MTSS1: variants seen among roughly 807,000 people sequenced by gnomAD.
The protein encoded by MTSS1 is MTSS I-BAR domain containing 1.
Under a neutral mutation model 79.0 loss-of-function variants are expected in MTSS1, and 18 were observed. The ratio of observed to expected loss-of-function variants is 0.23; its 90% confidence interval spans 0.16 to 0.34. MTSS1 has a LOEUF of 0.34. MTSS1 is among the 10% of genes least tolerant of loss of function. The probability of loss-of-function intolerance (pLI) is 1.00; values close to 1 mark genes in which losing one functional copy is unlikely to be tolerated. For missense variants in MTSS1, 815 were observed against 986.2 expected (o/e 0.83, Z 2.33); for synonymous variants, 341 against 368.6 (o/e 0.93, Z 0.86).
At chr8:124,635,370 T>C (rs1587469119) in intron 3 of MTSS1, among the ~76,000 whole-genome samples, 1 of 152,240 alleles carries the variant, frequency 6.6e-6, no homozygotes, top group East Asian at 1.9e-4. Flanking sequence ...ATCCTTCAGG[T>C]AGCAGGTGCA....
chr8:124,727,875 G>C lies in MTSS1; in HGVS notation c.72+9C>G. ...GGCCGGCGCCGCAGCCGCACCCCCG[G>C]CGTCCTACCTTCATGTCGCTGATGA... On this transcript the variant is annotated intron_variant, in intron 1 of 13. Coordinates refer to ENST00000518547, the MANE Select transcript of MTSS1 (RefSeq NM_014751.6). The surrounding 1 kb of genome is among the most constrained non-coding windows in gnomAD (Gnocchi z 4.7). 1 of 1,586,156 alleles carries C rather than the reference G, an allele frequency of 6.3e-7. No individual in the cohort carries two copies. The highest frequency in any genetic ancestry group is 8.5e-7 in the Non-Finnish European group (1 of 1,170,042).
Position 124,622,060 on chromosome 8 carries a change from A to AAGAGAGAAAG in MTSS1, c.209-30826_209-30825insCTTTCTCTCT, listed in dbSNP as rs1381991059. Among the ~76,000 whole-genome samples the AAGAGAGAAAG allele has an allele frequency of 6.4e-5, 7 of 110,120 alleles. No homozygotes were observed. In the East Asian group the frequency reaches 1.9e-3, roughly 29 times the overall value. 72.2% of individuals were successfully genotyped at this position (110,120 alleles called of 152,430 possible). A position where few individuals can be genotyped will look rare whatever the true frequency, so the allele number is the denominator to read the frequency against. ...GGAAAGTGTGAGAGACAGAAAGAGA[A>AAGAGAGAAAG]AGAGAGAGAGAGAGAGAGAGAGAGA... On this transcript the variant is annotated intron_variant, in intron 3 of 13. Coordinates refer to ENST00000518547, the MANE Select transcript of MTSS1 (RefSeq NM_014751.6).
intron 5 of MTSS1, among the ~76,000 whole-genome samples, chr8:124,588,649 C>T (rs1831287967): frequency 6.6e-6 from 1 of 152,224 alleles, no homozygotes; most frequent in Non-Finnish European, 1.5e-5. Flanking sequence ...GTCTGGCTTT[C>T]AAAATGTGCT....
chr8:124,705,766 C>T (rs1418233955), intron 1 of MTSS1, among the ~76,000 whole-genome samples: 2 of 152,220 alleles, frequency 1.3e-5, no homozygotes, highest in Non-Finnish European at 1.5e-5. Context: ...ACCCTTAGAG[C>T]AGGTTCTCAG....
At chr8:124,567,013 G>T (rs1382803415) in intron 8 of MTSS1, 58 bp downstream of exon 8, 1 of 1,325,982 alleles carries the variant, frequency 7.5e-7, no homozygotes, top group Non-Finnish European at 1.1e-6. Flanking sequence ...AACACTCAGG[G>T]CCTTGAGCTT....
In MTSS1 at chr8:124,568,580, C is replaced by T. The variant is rs748238170; in HGVS notation, c.461-44G>A. The T allele has an allele frequency of 6.2e-6, 10 of 1,613,434 alleles. No individual in the cohort carries two copies. In the African/African-American group the frequency reaches 1.3e-4, roughly 22 times the overall value. ...CAAGCACGGCTTGCTGAAATACCAG[C>T]TTCTGGAACAAGTGCCCCTCCTCCC... is the stretch of plus-strand genomic sequence containing the variant. On this transcript the variant is annotated intron_variant, in intron 6 of 13. Coordinates refer to ENST00000518547, the MANE Select transcript of MTSS1 (RefSeq NM_014751.6).
intron 12 of MTSS1, 46 bp from the exon 13 acceptor site, chr8:124,555,950 GC>G (rs746235066): frequency 6.5e-7 from 1 of 1,531,268 alleles, no homozygotes; most frequent in African/African-American, 1.4e-5. Context: ...TAGGGGGGGG[GC>G]TCAACAGCAC....
intron 3 of MTSS1, among the ~76,000 whole-genome samples, chr8:124,673,851 G>C (rs1300606491): frequency 6.6e-6 from 1 of 152,180 alleles, no homozygotes; most frequent in Non-Finnish European, 1.5e-5. Flanking sequence ...CTGAAAAATG[G>C]CACAAGGTGA....
intron 3 of MTSS1, among the ~76,000 whole-genome samples, chr8:124,631,624 C>T (rs1815972087): frequency 1.3e-5 from 2 of 152,226 alleles, no homozygotes; most frequent in South Asian, 4.1e-4. Flanking sequence ...CTCTGATCCC[C>T]TCCATAGTCC....
intron 3 of MTSS1, among the ~76,000 whole-genome samples, chr8:124,669,149 C>A (rs1005656397): frequency 1.3e-5 from 2 of 152,208 alleles, no homozygotes; most frequent in Non-Finnish European, 2.9e-5. Context: ...AAAATACAAT[C>A]CTCAGAAAAG....
intron 3 of MTSS1, among the ~76,000 whole-genome samples, chr8:124,663,453 C>A (rs904819925): frequency 3.3e-5 from 5 of 152,112 alleles, no homozygotes; most frequent in African/African-American, 1.2e-4. Context: ...GCCTCTGAGG[C>A]CAGTTAGGAA....
At chr8:124,658,143 A>AC (rs1267377750) in intron 3 of MTSS1, among the ~76,000 whole-genome samples, 1 of 152,148 alleles carries the variant, frequency 6.6e-6, no homozygotes, top group African/African-American at 2.4e-5. Flanking sequence ...AATACTTGAG[A>AC]CTGGGTGATA....
intron 6 of MTSS1, among the ~76,000 whole-genome samples, chr8:124,570,315 T>C (rs1827476983): frequency 6.6e-6 from 1 of 152,156 alleles, no homozygotes; most frequent in African/African-American, 2.4e-5. Flanking sequence ...AATGTGTAGA[T>C]AGTATGTATC....
rs371856957 is a variant in MTSS1 at position 124,582,424 on chromosome 8, A to G, written c.460+2663T>C. ...AAATCACATCCGTGTGTGTCTGCCC[A>G]CGTCAAGGATGGTGGTAAAACCATG... On this transcript the variant is annotated intron_variant, in intron 6 of 13. Transcript: ENST00000518547. This position sits in a 1 kb window ranked among gnomAD's most constrained non-coding sequence, Gnocchi z 4.8. 1.3e-5 allele frequency among the ~76,000 whole-genome samples: 2 copies of G among 152,190 alleles called. No individual in the cohort carries two copies. Among genetic ancestry groups the G allele is most frequent in the East Asian group, 1.9e-4 (1 of 5,204 alleles).
intron 9 of MTSS1, among the ~76,000 whole-genome samples, chr8:124,565,443 A>C (rs1826191850): frequency 6.6e-6 from 1 of 152,244 alleles, no homozygotes; most frequent in Admixed American, 6.5e-5. Context: ...AATAAGCTAC[A>C]TCCACAAGTC....
At chr8:124,589,926 G>A (rs1008498351) in intron 4 of MTSS1, among the ~76,000 whole-genome samples, 4 of 152,032 alleles carry the variant, frequency 2.6e-5, no homozygotes, top group Admixed American at 1.3e-4. Context: ...GCGCGATCTC[G>A]GCTCACTGCA....
At chr8:124,675,088 C>T (rs116477446) in intron 3 of MTSS1, among the ~76,000 whole-genome samples, 2,772 of 152,328 alleles carry the variant, frequency 0.018, 85 homozygotes, top group African/African-American at 0.062. Flanking sequence ...CAGGAAACAA[C>T]AAGGCTGAGC....
At chr8:124,672,320 C>A (rs924258378) in intron 3 of MTSS1, among the ~76,000 whole-genome samples, 3 of 152,040 alleles carry the variant, frequency 2.0e-5, no homozygotes, top group Non-Finnish European at 4.4e-5. Flanking sequence ...ATTGTGAAAC[C>A]CCATCTCTAC....
At chr8:124,593,243 C>A (rs570300836) in intron 3 of MTSS1, among the ~76,000 whole-genome samples, 1 of 152,288 alleles carries the variant, frequency 6.6e-6, no homozygotes, top group South Asian at 2.1e-4. Flanking sequence ...TCTTTCTGGG[C>A]CTTCGTTTGA....
Sources: allele counts gnomAD v4.1 joint callset (sites outside exome capture counted in the v4.1 genomes callset), GRCh38; gene constraint gnomAD v4.1.1; non-coding constraint Gnocchi (gnomAD v3.1); transcripts MANE v1.5; gene names NCBI Gene and HGNC (gene_info 2026-07-23, HGNC 2026-07-21).